The following MPPED1 variants were observed in gnomAD, a reference collection of about 807,000 sequenced individuals.
MPPED1 encodes the protein metallophosphoesterase domain containing 1, also known as metallophosphoesterase domain-containing protein 1.
Under a neutral mutation model 36.2 loss-of-function variants are expected in MPPED1, and 16 were observed. That is an observed-to-expected ratio of 0.44 (90% CI 0.30 to 0.67). The LOEUF (loss-of-function observed/expected upper bound fraction) is 0.67, where lower values mean the gene tolerates loss of function less well. Ranked by LOEUF, MPPED1 falls within the 30% of genes least tolerant of loss-of-function variation. The pLI is 0.10. For missense variants in MPPED1, 307 were observed against 453.4 expected, an observed-to-expected ratio of 0.68 and a Z score of 2.93; for synonymous variants, 199 against 191.3, an observed-to-expected ratio of 1.04 and a Z score of -0.33.
chr22:43,426,723 G>A (rs766092899), intron 2 of MPPED1, among the ~76,000 whole-genome samples: 12 of 152,210 alleles, frequency 7.9e-5, no homozygotes, highest in African/African-American at 2.4e-4. Context: ...GGCTCCAGGC[G>A]GGGATCGCCC....
intron 3 of MPPED1, among the ~76,000 whole-genome samples, chr22:43,440,412 G>T (rs971971205): frequency 2.0e-5 from 3 of 152,138 alleles, no homozygotes; most frequent in East Asian, 3.9e-4. Context: ...GGAGGCCAGG[G>T]TGCTGAGGGC....
chr22:43,422,048 T>C lies in MPPED1; in HGVS notation c.-78-2860T>C, dbSNP rs551127545. 3.9e-5 allele frequency among the ~76,000 whole-genome samples: 6 copies of C among 152,274 alleles called. No homozygotes were observed. The East Asian group carries it at 1.2e-3, about 30-fold the overall frequency. On this transcript the variant is annotated intron_variant, in intron 1 of 6. Transcript: ENST00000443721. Reference sequence around the variant, plus strand: ...GGTGCACAAGGGGGGAGCCCGACCCTGCCCTCAGGGGACATCCGGGCTCTT... The same window carrying C: ...GGTGCACAAGGGGGGAGCCCGACCCCGCCCTCAGGGGACATCCGGGCTCTT...
intron 3 of MPPED1, among the ~76,000 whole-genome samples, chr22:43,452,167 G>C (rs1930594154): frequency 6.6e-6 from 1 of 152,024 alleles, no homozygotes; most frequent in South Asian, 2.1e-4. Context: ...ACAGGCGTGA[G>C]CCATCATGCT....
intron 4 of MPPED1, among the ~76,000 whole-genome samples, chr22:43,497,282 T>C (rs1932449136): frequency 6.6e-6 from 1 of 151,898 alleles, no homozygotes; most frequent in Admixed American, 6.6e-5. Flanking sequence ...CATGTATGGG[T>C]GAAACCTACG....
At chr22:43,479,275 A>T (rs895394281) in intron 4 of MPPED1, among the ~76,000 whole-genome samples, 1 of 152,240 alleles carries the variant, frequency 6.6e-6, no homozygotes, top group Non-Finnish European at 1.5e-5. Context: ...CGTGGACTGC[A>T]GGAGGCATTC....
At chr22:43,475,927 ATGG>A (rs1931560841) in intron 4 of MPPED1, among the ~76,000 whole-genome samples, 1 of 95,460 alleles carries the variant, frequency 1.0e-5, no homozygotes, top group Non-Finnish European at 2.2e-5. Flanking sequence ...GAAGATGGTG[ATGG>A]TGGTATGGTG....
intron 3 of MPPED1, among the ~76,000 whole-genome samples, chr22:43,458,280 A>G (rs1379052549): frequency 1.3e-5 from 2 of 151,436 alleles, no homozygotes; most frequent in Non-Finnish European, 2.9e-5. Context: ...CAGAAATACA[A>G]TTGTACTGTC....
chr22:43,447,462 G>C (rs544022560), intron 3 of MPPED1, among the ~76,000 whole-genome samples: 1 of 152,190 alleles, frequency 6.6e-6, no homozygotes, highest in Non-Finnish European at 1.5e-5. Flanking sequence ...ATGTCTGGAA[G>C]TTTCCACCAT....
intron 3 of MPPED1, among the ~76,000 whole-genome samples, chr22:43,441,873 T>A (rs1930159865): frequency 6.6e-6 from 1 of 152,176 alleles, no homozygotes; most frequent in South Asian, 2.1e-4. Flanking sequence ...TGCCTGGAAA[T>A]GGGCCACACA....
chr22:43,454,448 G>A (rs143556027), intron 3 of MPPED1, among the ~76,000 whole-genome samples: 45 of 152,156 alleles, frequency 3.0e-4, no homozygotes, highest in African/African-American at 1.0e-3. Context: ...GGGACTATAG[G>A]CATGTGCCAC....
chr22:43,423,084 G>A (rs556333362), intron 1 of MPPED1, among the ~76,000 whole-genome samples: 4 of 152,244 alleles, frequency 2.6e-5, no homozygotes, highest in East Asian at 1.9e-4. Flanking sequence ...TGATCCGCCC[G>A]TCTCAGCCTC....
intron 3 of MPPED1, among the ~76,000 whole-genome samples, chr22:43,447,859 TTATATATATATA>T (rs1238294657): frequency 3.2e-5 from 2 of 62,526 alleles, no homozygotes; most frequent in South Asian, 1.2e-3. Flanking sequence ...TATGTAAATA[TTATATATATATA>T]TATATATATA....
At chr22:43,413,273 A>C (rs1219538647) in intron 1 of MPPED1, among the ~76,000 whole-genome samples, 1 of 149,050 alleles carries the variant, frequency 6.7e-6, no homozygotes, top group East Asian at 2.1e-4. Flanking sequence ...GAGCTGGCTC[A>C]CGGGAGTTGA....
intron 3 of MPPED1, among the ~76,000 whole-genome samples, chr22:43,451,721 A>G (rs746017277): frequency 5.3e-5 from 8 of 152,242 alleles, no homozygotes; most frequent in Non-Finnish European, 1.0e-4. Flanking sequence ...GCACCCCCTT[A>G]AAACTCTGCA....
intron 4 of MPPED1, among the ~76,000 whole-genome samples, chr22:43,484,716 C>G (rs762942156): frequency 2.0e-5 from 3 of 152,186 alleles, no homozygotes; most frequent in Non-Finnish European, 4.4e-5. Context: ...AATTGCCCCA[C>G]CTGCTTAGGG....
intron 4 of MPPED1, among the ~76,000 whole-genome samples, chr22:43,494,693 C>CGGTGGTGGTGGTGGTGGT: frequency 4.5e-5 from 2 of 44,194 alleles, no homozygotes; most frequent in Non-Finnish European, 8.6e-5. Context: ...ATTTGATTCA[C>CGGTGGTGGTGGTGGTGGT]AGTGGTGGTG....
chr22:43,471,996 C>T (rs1441814383), intron 3 of MPPED1, among the ~76,000 whole-genome samples: 2 of 152,132 alleles, frequency 1.3e-5, no homozygotes, highest in African/African-American at 2.4e-5. Flanking sequence ...GGGACAGAAA[C>T]CCAAATGCCT....
At chr22:43,465,495 G>A (rs1055582763) in intron 3 of MPPED1, among the ~76,000 whole-genome samples, 4 of 152,184 alleles carry the variant, frequency 2.6e-5, no homozygotes, top group South Asian at 2.1e-4. Flanking sequence ...ACTTATCACC[G>A]AGCCCCGTGC....
intron 3 of MPPED1, among the ~76,000 whole-genome samples, chr22:43,463,360 C>T (rs2146870141): frequency 2.4e-5 from 3 of 126,558 alleles, no homozygotes; most frequent in African/African-American, 6.1e-5. Flanking sequence ...GAGACAGGAT[C>T]TTGCTCTGTC....
Sources: gnomAD v4.1 joint callset for allele counts (sites outside exome capture counted in the v4.1 genomes callset) on GRCh38, gnomAD v4.1.1 for gene constraint, MANE v1.5 for transcripts, NCBI Gene and HGNC (gene_info 2026-07-23, HGNC 2026-07-21) for gene names.